KLHL32: variants seen among roughly 807,000 people sequenced by gnomAD.
The protein encoded by KLHL32 is kelch like family member 32, also known as kelch-like protein 32.
In KLHL32, 35 loss-of-function variants were observed where a neutral mutation model predicts 64.8. The observed-to-expected ratio is 0.54, with a 90% CI of 0.41 to 0.72. The LOEUF (loss-of-function observed/expected upper bound fraction) is 0.72. Among genes scored for constraint, KLHL32 ranks in the 30% least tolerant of loss-of-function variants. The probability of loss-of-function intolerance (pLI) is 0.00; values close to 1 mark genes in which losing one functional copy is unlikely to be tolerated. For synonymous variants in KLHL32, 259 were observed against 281.0 expected, an observed-to-expected ratio of 0.92 and a Z score of 0.78; for missense variants, 589 against 768.5, an observed-to-expected ratio of 0.77 and a Z score of 2.76.
upstream of KLHL32, among the ~76,000 whole-genome samples, chr6:96,922,816 TG>T (rs1478799503): frequency 6.6e-6 from 1 of 152,204 alleles, no homozygotes; most frequent in African/African-American, 2.4e-5. Flanking sequence ...TGAATTTTGG[TG>T]GCTATTGAAT....
chr6:97,132,488 T>C (rs545737488), intron 9 of KLHL32, among the ~76,000 whole-genome samples, 165 bp from the exon 10 acceptor site: 9 of 152,164 alleles, frequency 5.9e-5, no homozygotes, highest in Non-Finnish European at 2.9e-5. Context: ...GAAATAGTGC[T>C]TAATTTTTCT....
At chr6:97,118,056 G>A (rs923570753) in intron 7 of KLHL32, among the ~76,000 whole-genome samples, 2 of 152,050 alleles carry the variant, frequency 1.3e-5, no homozygotes, top group Non-Finnish European at 2.9e-5. Flanking sequence ...TGCCCTCTAG[G>A]AGCTGGCAAT....
intron 3 of KLHL32, among the ~76,000 whole-genome samples, chr6:96,985,023 TC>T: frequency 1.5e-5 from 1 of 66,488 alleles, no homozygotes; most frequent in African/African-American, 7.6e-5. Context: ...ATTGTTCCTT[TC>T]CATTTTAGTG....
At chr6:97,107,354 T>C (rs1318021294) in intron 6 of KLHL32, among the ~76,000 whole-genome samples, 1 of 152,004 alleles carries the variant, frequency 6.6e-6, no homozygotes, top group African/African-American at 2.4e-5. Context: ...CTTGAAATAA[T>C]TATTGATGGA....
At chr6:97,134,317 G>A (rs1245990078) in intron 10 of KLHL32, among the ~76,000 whole-genome samples, 1 of 152,186 alleles carries the variant, frequency 6.6e-6, no homozygotes, top group Non-Finnish European at 1.5e-5. Context: ...GGAGTTCACT[G>A]AAGGCTGCCT....
At chr6:97,087,512 T>G (rs1240308472) in intron 6 of KLHL32, among the ~76,000 whole-genome samples, 1 of 152,194 alleles carries the variant, frequency 6.6e-6, no homozygotes, top group Admixed American at 6.5e-5. Context: ...TGTAATAAAG[T>G]GCTCATTGAC....
intron 1 of KLHL32, among the ~76,000 whole-genome samples, chr6:96,953,804 A>T (rs1466532203): frequency 1.3e-5 from 2 of 150,904 alleles, no homozygotes; most frequent in Non-Finnish European, 2.9e-5. Context: ...TAATCAAACC[A>T]TGATTACTTT....
chr6:97,129,796 C>T (rs756716430), intron 8 of KLHL32, among the ~76,000 whole-genome samples: 31 of 152,150 alleles, frequency 2.0e-4, no homozygotes, highest in South Asian at 1.5e-3. Flanking sequence ...GCAGAAGAAT[C>T]GACTTGAACC....
At chr6:97,058,007 CATT>C (rs1043485955) in intron 4 of KLHL32, among the ~76,000 whole-genome samples, 1 of 152,080 alleles carries the variant, frequency 6.6e-6, no homozygotes, top group Admixed American at 6.5e-5. Context: ...ATCTTTTATC[CATT>C]ATTATTATAT....
the KLHL32 span, among the ~76,000 whole-genome samples, chr6:96,900,266 C>G: frequency 6.6e-6 from 1 of 152,046 alleles, no homozygotes; most frequent in African/African-American, 2.4e-5. Flanking sequence ...AGTACAATGC[C>G]CAGCTCAGAA....
At chr6:96,995,286 A>G (rs926229494) in intron 3 of KLHL32, among the ~76,000 whole-genome samples, 1 of 152,164 alleles carries the variant, frequency 6.6e-6, no homozygotes, top group African/African-American at 2.4e-5. Context: ...AGGCTCAGCT[A>G]CTGCAGGTTC....
At chr6:96,990,457 CT>C (rs1582614991) in intron 3 of KLHL32, among the ~76,000 whole-genome samples, 1 of 152,166 alleles carries the variant, frequency 6.6e-6, no homozygotes, top group East Asian at 1.9e-4. Flanking sequence ...TCTGTATTTC[CT>C]CTCGATTTCA....
chr6:97,010,375 C>T (rs905920248), intron 3 of KLHL32: 1 of 152,122 alleles, frequency 6.6e-6, no homozygotes, highest in Non-Finnish European at 1.5e-5. Flanking sequence ...CTCTCCCTCT[C>T]CCCCAGATCA....
Position 97,021,902 on chromosome 6 carries a change from C to T in KLHL32, c.205-19590C>T, listed in dbSNP as rs535715242. 5.1e-4 allele frequency among the ~76,000 whole-genome samples: 77 copies of T among 150,890 alleles called. No homozygotes were observed. In the South Asian group the frequency reaches 7.3e-3, roughly 14 times the overall value. ...TGGCAACTGTCCAGTTAATGCAGGCCGCAATTATCTGTGTCATCCTTGACT... is the reference window on the plus strand; with the variant it reads ...TGGCAACTGTCCAGTTAATGCAGGCTGCAATTATCTGTGTCATCCTTGACT... On this transcript the variant is annotated intron_variant, in intron 3 of 10. Coordinates refer to ENST00000369261, the MANE Select transcript of KLHL32 (RefSeq NM_052904.4).
rs886746621 is a variant in KLHL32 at position 97,065,821 on chromosome 6, A to G, written c.411+1095A>G. Among the ~76,000 whole-genome samples the G allele has an allele frequency of 1.1e-4, 17 of 152,128 alleles. 1 individual carries two copies. Among genetic ancestry groups the G allele is most frequent in the Admixed American group, 1.1e-3 (17 of 15,280 alleles). On this transcript the variant is annotated intron_variant, in intron 5 of 10. Transcript: ENST00000369261. Reference sequence around the variant, plus strand: ...TTTACAAAGCTCTTTCTCATCTAGCATCTTATTTAATCTTCCCAGCAACCC... The same window carrying G: ...TTTACAAAGCTCTTTCTCATCTAGCGTCTTATTTAATCTTCCCAGCAACCC...
chr6:97,108,842 A>G (rs1048327783), intron 6 of KLHL32, among the ~76,000 whole-genome samples: 4 of 152,212 alleles, frequency 2.6e-5, no homozygotes, highest in Non-Finnish European at 5.9e-5. Context: ...TAAGTATCTT[A>G]TATCATAACT....
chr6:97,130,957 C>G lies in KLHL32; in HGVS notation c.1606+8C>G. On this transcript the variant is annotated splice_region_variant and intron_variant, in intron 9 of 10. Coordinates refer to ENST00000369261, the MANE Select transcript of KLHL32 (RefSeq NM_052904.4). ...ATTTCAACCTGCTGACTGGCAAGTA[C>G]CTTTGATTAAGTAAATCAGGAAAAG... 6.2e-7 allele frequency: 1 copy of G among 1,604,552 alleles called. No individual in the cohort carries two copies. The highest frequency in any genetic ancestry group is 8.5e-7 in the Non-Finnish European group (1 of 1,174,146).
intron 6 of KLHL32, among the ~76,000 whole-genome samples, chr6:97,097,176 C>T (rs998862561): frequency 4.6e-5 from 7 of 152,126 alleles, no homozygotes; most frequent in Non-Finnish European, 8.8e-5. Context: ...AGGAGAGGCA[C>T]GACTGTTCAT....
At chr6:97,135,608 T>C (rs1206543414) in intron 10 of KLHL32, among the ~76,000 whole-genome samples, 1 of 152,186 alleles carries the variant, frequency 6.6e-6, no homozygotes, top group Non-Finnish European at 1.5e-5. Flanking sequence ...GATTTGTTAT[T>C]AAGAGCCTTT....
Sources: gnomAD v4.1 joint callset for allele counts (sites outside exome capture counted in the v4.1 genomes callset) on GRCh38, gnomAD v4.1.1 for gene constraint, MANE v1.5 for transcripts, NCBI Gene and HGNC (gene_info 2026-07-23, HGNC 2026-07-21) for gene names.